The following NGEF variants were observed in gnomAD, a reference collection of about 807,000 sequenced individuals.
NGEF encodes ephexin-1.
Under a neutral mutation model 80.9 loss-of-function variants are expected in NGEF, and 31 were observed. That is an observed-to-expected ratio of 0.38 (90% CI 0.29 to 0.52). The LOEUF (loss-of-function observed/expected upper bound fraction) is 0.52. Among genes scored for constraint, NGEF ranks in the 20% least tolerant of loss-of-function variants. The pLI is 0.84. For missense variants in NGEF, 709 were observed against 926.2 expected (o/e 0.77, Z 3.04); for synonymous variants, 371 against 370.2 (o/e 1.00, Z -0.03).
chr2:232,920,636 T>C lies in NGEF; in HGVS notation c.527-51A>G, dbSNP rs528237331. The C allele has an allele frequency of 2.0e-6, 3 of 1,484,562 alleles. No individual in the cohort carries two copies. In the South Asian group the frequency reaches 4.1e-5, roughly 20 times the overall value. The allele number at this position is 1,484,562 out of a possible 1,614,324, so 92.0% of individuals were successfully genotyped here. A position where few individuals can be genotyped will look rare whatever the true frequency, so the allele number is the denominator to read the frequency against. Reference sequence around the variant, plus strand: ...AAAAGGAAAAGATCTCAGATGACAATCATTAGAAATCCCTAAGTCAAGGCT... The same window carrying C: ...AAAAGGAAAAGATCTCAGATGACAACCATTAGAAATCCCTAAGTCAAGGCT... On this transcript the variant is annotated intron_variant, in intron 4 of 14. Transcript: ENST00000264051.
chr2:232,888,286 G>A lies in NGEF; in HGVS notation c.1273-179C>T, dbSNP rs578158761. ...CATGCACACATGCATACAGACCTGC[G>A]TGTGCACACACGTGCATACATGCTC... On this transcript the variant is annotated intron_variant, in intron 8 of 14. Transcript: ENST00000264051. Among the ~76,000 whole-genome samples, 7 of 150,890 alleles carry A rather than the reference G, an allele frequency of 4.6e-5. No individual in the cohort carries two copies. The South Asian group carries it at 8.4e-4, about 18-fold the overall frequency.
chr2:232,997,022 C>T (rs1221163686), intron 1 of NGEF, among the ~76,000 whole-genome samples: 1 of 152,198 alleles, frequency 6.6e-6, no homozygotes, highest in Non-Finnish European at 1.5e-5. Flanking sequence ...TAGAATCATT[C>T]TGAACGTTCT....
chr2:232,940,763 C>T (rs995242058), intron 3 of NGEF, among the ~76,000 whole-genome samples: 1 of 152,032 alleles, frequency 6.6e-6, no homozygotes, highest in African/African-American at 2.4e-5. Flanking sequence ...TATAAATAGA[C>T]TTTTATATGT....
chr2:232,934,080 A>G (rs1693276579), intron 3 of NGEF, among the ~76,000 whole-genome samples: 2 of 152,198 alleles, frequency 1.3e-5, no homozygotes, highest in South Asian at 2.1e-4. Context: ...TGTCTCTAGT[A>G]AAAATACGAA....
At chr2:232,971,460 G>A (rs1342300484) in intron 2 of NGEF, among the ~76,000 whole-genome samples, 1 of 152,122 alleles carries the variant, frequency 6.6e-6, no homozygotes, top group African/African-American at 2.4e-5. Flanking sequence ...TGAGGTGGGC[G>A]GATCACTTGA....
chr2:232,898,520 G>GTT (rs1692168512), intron 5 of NGEF, among the ~76,000 whole-genome samples: 1 of 152,224 alleles, frequency 6.6e-6, no homozygotes, highest in African/African-American at 2.4e-5. Context: ...CTTCCAGGAT[G>GTT]TTTGTCTTCA....
Position 232,891,349 on chromosome 2 carries a change from A to C in NGEF, c.1272+9T>G, listed in dbSNP as rs1574992097. 3 of 1,613,252 alleles carry C rather than the reference A, an allele frequency of 1.9e-6. No individual in the cohort carries two copies. The East Asian group carries it at 6.7e-5, about 36-fold the overall frequency. Reference sequence around the variant, plus strand: ...GCCCCGTCTGTGGGTCAGGTGGAGGAGGCTGTACCTGGACCAACAGCTTGA... The same window carrying C: ...GCCCCGTCTGTGGGTCAGGTGGAGGCGGCTGTACCTGGACCAACAGCTTGA... On this transcript the variant is annotated intron_variant, in intron 8 of 14. Transcript: ENST00000264051.
At chr2:232,879,747 C>A in intron 14 of NGEF, 68 bp from the exon 15 acceptor site, 1 of 1,480,876 alleles carries the variant, frequency 6.8e-7, no homozygotes, top group South Asian at 1.2e-5. Context: ...GAGGCTCCCT[C>A]CTGGCCAGGG....
chr2:232,994,943 CAT>C (rs10557218), intron 1 of NGEF, among the ~76,000 whole-genome samples: 94,209 of 147,704 alleles, frequency 0.64, 30,807 homozygotes, highest in East Asian at 0.92. Flanking sequence ...TATATACACA[CAT>C]ATAATACATA....
At chr2:232,893,156 T>C in intron 6 of NGEF, 106 bp from the exon 7 acceptor site, 2 of 1,144,704 alleles carry the variant, frequency 1.7e-6, no homozygotes, top group Middle Eastern at 2.6e-4. Flanking sequence ...GACATAGCAG[T>C]GTGCACGGTG....
At chr2:232,964,770 C>G (rs148316569) in intron 3 of NGEF, among the ~76,000 whole-genome samples, 122 of 152,306 alleles carry the variant, frequency 8.0e-4, no homozygotes, top group Middle Eastern at 3.4e-3. Context: ...TGTTGAGCAA[C>G]AGAAGTCAGA....
chr2:232,956,764 C>A (rs1385531186), intron 3 of NGEF, among the ~76,000 whole-genome samples: 1 of 106,846 alleles, frequency 9.4e-6, no homozygotes, highest in South Asian at 3.3e-4. Flanking sequence ...GTCTGGGCGA[C>A]AGAGCAAGAC....
chr2:232,973,835 A>AC (rs1694241044), intron 2 of NGEF, among the ~76,000 whole-genome samples: 1 of 152,248 alleles, frequency 6.6e-6, no homozygotes, highest in Non-Finnish European at 1.5e-5. Flanking sequence ...GGGGAGTTTA[A>AC]CGTGTGGCAA....
intron 4 of NGEF, among the ~76,000 whole-genome samples, chr2:232,920,864 C>A (rs1479376427): frequency 6.6e-6 from 1 of 152,190 alleles, no homozygotes; most frequent in African/African-American, 2.4e-5. Flanking sequence ...GCTTTCCCCA[C>A]ACACACTTGG....
At chr2:232,907,801 CAT>C (rs764139249) in intron 5 of NGEF, among the ~76,000 whole-genome samples, 2 of 152,074 alleles carry the variant, frequency 1.3e-5, no homozygotes, top group Non-Finnish European at 2.9e-5. Context: ...TTTTTAAAAA[CAT>C]GTTTTTAAAT....
At chr2:232,889,952 G>A (rs996486060) in intron 8 of NGEF, among the ~76,000 whole-genome samples, 1 of 151,524 alleles carries the variant, frequency 6.6e-6, no homozygotes, top group African/African-American at 2.4e-5. Flanking sequence ...ACTCTATACC[G>A]TCCACTTCAC....
chr2:232,955,798 C>T (rs985012701), intron 3 of NGEF, among the ~76,000 whole-genome samples: 2 of 152,118 alleles, frequency 1.3e-5, no homozygotes, highest in Non-Finnish European at 2.9e-5. Flanking sequence ...GGATTATAGG[C>T]GTGAGCCACC....
Position 232,974,856 on chromosome 2 carries a change from G to A in NGEF, c.35C>T (p.Thr12Ile), listed in dbSNP as rs1442918800. 6.2e-7 allele frequency: 1 copy of A among 1,613,906 alleles called. No individual in the cohort carries two copies. Among genetic ancestry groups the A allele is most frequent in the East Asian group, 2.2e-5 (1 of 44,888 alleles). The change falls in exon 2 of 15, where the codon ACC becomes ATC. Residue 12 changes from threonine (T) to isoleucine (I), a missense_variant. Physicochemically the swap from Thr to Ile is moderately conservative, Grantham distance 89 (BLOSUM62 -1). Coordinates refer to ENST00000264051, the MANE Select transcript of NGEF (RefSeq NM_019850.3). Reference sequence around the variant, plus strand: ...TTGATCACTTGCTGATTTCCTCCGGGTCTTTTCCAAATCTTCAGATTCCCT... The same window carrying A: ...TTGATCACTTGCTGATTTCCTCCGGATCTTTTCCAAATCTTCAGATTCCCT... The part of the protein sequence containing the change: ...ETRESEDLEK[T>I]RRKSASDQWN...
At chr2:232,883,072 C>G (rs1691563059) in intron 12 of NGEF, among the ~76,000 whole-genome samples, 1 of 151,778 alleles carries the variant, frequency 6.6e-6, no homozygotes, top group Non-Finnish European at 1.5e-5. Context: ...CACACACACA[C>G]ACACACACAC....
Sources: allele counts gnomAD v4.1 joint callset (sites outside exome capture counted in the v4.1 genomes callset), GRCh38; gene constraint gnomAD v4.1.1; transcripts MANE v1.5; gene names NCBI Gene and HGNC (gene_info 2026-07-23, HGNC 2026-07-21).